EXOC6B: variants seen among roughly 807,000 people sequenced by gnomAD.
The protein encoded by EXOC6B is exocyst complex component 6B, also known as SEC15 homolog B.
Under a neutral mutation model 113.5 loss-of-function variants are expected in EXOC6B, and 54 were observed. The ratio of observed to expected loss-of-function variants is 0.48; its 90% CI spans 0.38 to 0.60. EXOC6B has a LOEUF of 0.60. Ranked by LOEUF, EXOC6B falls within the 20% of genes least tolerant of loss-of-function variation. The probability of loss-of-function intolerance (pLI) is 0.00; values close to 1 mark genes in which losing one functional copy is unlikely to be tolerated. For synonymous variants in EXOC6B, 357 were observed against 339.0 expected (o/e 1.05, Z -0.58); for missense variants, 797 against 977.5 (o/e 0.82, Z 2.46).
intron 20 of EXOC6B, among the ~76,000 whole-genome samples, chr2:72,305,779 T>C (rs1686816609): frequency 6.6e-6 from 1 of 152,220 alleles, no homozygotes; most frequent in African/African-American, 2.4e-5. Flanking sequence ...TTCAATGTAT[T>C]ATTATGCTCC....
intron 1 of EXOC6B, among the ~76,000 whole-genome samples, chr2:72,754,731 C>T (rs1449273150): frequency 2.0e-5 from 3 of 151,140 alleles, no homozygotes; most frequent in African/African-American, 4.9e-5. Flanking sequence ...CTCTAGCCTC[C>T]GCCTCCTAAG....
chr2:72,320,246 T>C (rs1173333820), intron 20 of EXOC6B, among the ~76,000 whole-genome samples: 1 of 150,640 alleles, frequency 6.6e-6, no homozygotes, highest in Non-Finnish European at 1.5e-5. Context: ...TATTTGTTCA[T>C]ATATATTTAC....
At chr2:72,591,787 C>G (rs1033517021) in intron 6 of EXOC6B, among the ~76,000 whole-genome samples, 14 of 151,976 alleles carry the variant, frequency 9.2e-5, no homozygotes, top group Non-Finnish European at 1.8e-4. Flanking sequence ...ATCAGAGAGT[C>G]TGTAAATAAT....
At chr2:72,515,439 T>C in intron 8 of EXOC6B, 1 of 1,129,724 alleles carries the variant, frequency 8.9e-7, no homozygotes, top group Non-Finnish European at 1.1e-6. Context: ...AACCAACCTT[T>C]CCATAAGTTA....
At chr2:72,782,050 G>A (rs1684074615) in intron 1 of EXOC6B, among the ~76,000 whole-genome samples, 1 of 149,292 alleles carries the variant, frequency 6.7e-6, no homozygotes, top group Non-Finnish European at 1.5e-5. Flanking sequence ...TGAGGTAGGA[G>A]AATCACTTGA....
At chr2:72,600,933 A>T in intron 6 of EXOC6B, among the ~76,000 whole-genome samples, 1 of 152,192 alleles carries the variant, frequency 6.6e-6, no homozygotes, top group East Asian at 1.9e-4. Context: ...GAACACAGTA[A>T]GAAAATGAAC....
At chr2:72,393,067 T>C (rs1279581173) in intron 18 of EXOC6B, among the ~76,000 whole-genome samples, 1 of 151,908 alleles carries the variant, frequency 6.6e-6, no homozygotes, top group Non-Finnish European at 1.5e-5. Flanking sequence ...TAATGAAGGT[T>C]TGGTTTTTTT....
At chr2:72,658,180 C>T in intron 6 of EXOC6B, among the ~76,000 whole-genome samples, 1 of 144,896 alleles carries the variant, frequency 6.9e-6, no homozygotes, top group Admixed American at 7.1e-5. Flanking sequence ...TTAAAAGGAT[C>T]AATCTACTCT....
intron 6 of EXOC6B, among the ~76,000 whole-genome samples, chr2:72,641,160 G>A (rs576644680): frequency 5.9e-5 from 9 of 152,312 alleles, no homozygotes; most frequent in Non-Finnish European, 1.2e-4. Context: ...CAGAGAAGAC[G>A]GTGATTTTTG....
intron 6 of EXOC6B, among the ~76,000 whole-genome samples, chr2:72,633,199 G>A (rs1365753387): frequency 1.3e-5 from 2 of 152,160 alleles, no homozygotes; most frequent in African/African-American, 4.8e-5. Flanking sequence ...CCATCAGGTG[G>A]AGGCACGAGG....
rs766044779 is a variant in EXOC6B, at chr2:72,825,878, G to T, written c.33C>A (p.Ser11Arg). The T allele has an allele frequency of 6.2e-7, 1 of 1,613,404 alleles. No homozygotes were observed. Among genetic ancestry groups the T allele is most frequent in the Non-Finnish European group, 8.5e-7 (1 of 1,179,730 alleles). MERGKMAEAESLETAAEHERI... is the reference protein window; with the variant it reads MERGKMAEAERLETAAEHERI... ...GCTCGTGCTCTGCCGCTGTCTCCAG[G>T]CTCTCCGCCTCCGCCATCTTACCCC... Residue 11 changes from serine (S) to arginine (R), a missense_variant, in exon 1 of 22, where the codon AGC becomes AGA. Coordinates refer to ENST00000272427, the MANE Select transcript of EXOC6B (RefSeq NM_015189.3). This position sits in a 1 kb window ranked among gnomAD's most constrained non-coding sequence, Gnocchi z 4.4.
rs1689406905 is a variant in EXOC6B at position 72,347,483 on chromosome 2, C to G, written c.2123-12463G>C. Among the ~76,000 whole-genome samples the G allele has an allele frequency of 2.0e-5, 3 of 152,058 alleles. No individual in the cohort carries two copies. The South Asian group carries it at 6.2e-4, about 32-fold the overall frequency. On this transcript the variant is annotated intron_variant, in intron 19 of 21. Transcript: ENST00000272427. ...GCATTCTGCAGGACATTTAACAGAA[C>G]AGTGAAAATCAATTCTCTAGAAAAG... is the stretch of plus-strand genomic sequence containing the variant.
chr2:72,271,970 C>G (rs1300909860), intron 20 of EXOC6B, among the ~76,000 whole-genome samples: 3 of 152,186 alleles, frequency 2.0e-5, no homozygotes, highest in African/African-American at 7.2e-5. Context: ...CTTTTCCCCT[C>G]CCTCCACTTA....
chr2:72,761,836 A>G (rs1371737413), intron 1 of EXOC6B, among the ~76,000 whole-genome samples: 2 of 152,124 alleles, frequency 1.3e-5, no homozygotes, highest in African/African-American at 4.8e-5. Flanking sequence ...TCAGGAGCTA[A>G]GGATGGTAGC....
intron 1 of EXOC6B, among the ~76,000 whole-genome samples, chr2:72,781,868 G>GAAATATTGAGTATA (rs1684060751): frequency 6.6e-6 from 1 of 152,176 alleles, no homozygotes; most frequent in Non-Finnish European, 1.5e-5. Context: ...GCCAGGCGCA[G>GAAATATTGAGTATA]TGGTTCGCAC....
chr2:72,749,324 C>T (rs146482054), intron 1 of EXOC6B, among the ~76,000 whole-genome samples: 1 of 152,146 alleles, frequency 6.6e-6, no homozygotes, highest in East Asian at 1.9e-4. Context: ...TTAAGTTTAA[C>T]ACTTAAACAT....
intron 1 of EXOC6B, among the ~76,000 whole-genome samples, chr2:72,745,699 G>T (rs1160875697): frequency 1.3e-5 from 2 of 152,080 alleles, no homozygotes; most frequent in Admixed American, 6.6e-5. Flanking sequence ...ATTTCAAATT[G>T]TCTACCAAAG....
At position 72,446,370 on chromosome 2, in the gene EXOC6B, A is replaced by T. The variant is rs188303809; in HGVS notation, c.1980+18790T>A. ...CTGCAGACTGGGCAACAAGAGCAAT[A>T]CTCTGTCTCAAAAAAAAAAAAAATG... is the stretch of plus-strand genomic sequence containing the variant. On this transcript the variant is annotated intron_variant, in intron 18 of 21. Coordinates refer to ENST00000272427, the MANE Select transcript of EXOC6B (RefSeq NM_015189.3). Among the ~76,000 whole-genome samples, 124 of 149,556 alleles carry T rather than the reference A, an allele frequency of 8.3e-4. 1 individual carries two copies. The highest frequency in any genetic ancestry group is 3.0e-3 in the African/African-American group (121 of 40,514).
chr2:72,452,252 G>A (rs1419399783), intron 18 of EXOC6B, among the ~76,000 whole-genome samples: 1 of 152,100 alleles, frequency 6.6e-6, no homozygotes, highest in Non-Finnish European at 1.5e-5. Context: ...ATCTGAGTTG[G>A]AGGACACTAT....
Sources: allele counts gnomAD v4.1 joint callset (sites outside exome capture counted in the v4.1 genomes callset), GRCh38; gene constraint gnomAD v4.1.1; non-coding constraint Gnocchi (gnomAD v3.1); transcripts MANE v1.5; gene names NCBI Gene and HGNC (gene_info 2026-07-23, HGNC 2026-07-21).